Variants in CDK5RAP2 observed in about 807,000 individuals in gnomAD.
CDK5RAP2 encodes the protein CDK5 regulatory subunit-associated protein 2.
In CDK5RAP2, 147 loss-of-function variants were observed where a neutral mutation model predicts 232.9. That is an observed-to-expected ratio of 0.63 (90% CI 0.55 to 0.72). The LOEUF is 0.72. Among genes scored for constraint, CDK5RAP2 ranks in the 30% least tolerant of loss-of-function variants. The pLI is 0.00. For synonymous variants in CDK5RAP2, 833 were observed against 833.7 expected (o/e 1.00, Z 0.01); for missense variants, 2,195 against 2,231.5 (o/e 0.98, Z 0.33).
At chr9:120,514,909 A>G (rs2040258961) in intron 12 of CDK5RAP2, among the ~76,000 whole-genome samples, 1 of 152,230 alleles carries the variant, frequency 6.6e-6, no homozygotes, top group South Asian at 2.1e-4. Context: ...TAAGTAAATT[A>G]TGAAACCAAC....
intron 20 of CDK5RAP2, among the ~76,000 whole-genome samples, chr9:120,457,060 A>G (rs186596008): frequency 2.0e-5 from 3 of 152,208 alleles, no homozygotes; most frequent in African/African-American, 7.2e-5. Context: ...ACATTTCCTA[A>G]GCACTTACCA....
At chr9:120,412,283 T>C (rs2033897783) in intron 28 of CDK5RAP2, among the ~76,000 whole-genome samples, 1 of 152,154 alleles carries the variant, frequency 6.6e-6, no homozygotes, top group Non-Finnish European at 1.5e-5. Flanking sequence ...GTGTGCAAGG[T>C]GCCTTCTCTA....
chr9:120,400,911 A>C (rs761289200), intron 34 of CDK5RAP2, 26 bp from the exon 35 acceptor site: 1 of 1,613,952 alleles, frequency 6.2e-7, no homozygotes, highest in Non-Finnish European at 8.5e-7. Context: ...GAAGGCTGTT[A>C]CGTGCAGTCT....
intron 3 of CDK5RAP2, among the ~76,000 whole-genome samples, chr9:120,554,082 C>G (rs539569803): frequency 3.2e-4 from 48 of 152,130 alleles, no homozygotes; most frequent in Non-Finnish European, 5.3e-4. Flanking sequence ...ACATTGTGCA[C>G]TCATAGGAAA....
intron 3 of CDK5RAP2, among the ~76,000 whole-genome samples, chr9:120,559,333 A>T (rs1381179395): frequency 1.3e-5 from 2 of 151,828 alleles, no homozygotes; most frequent in African/African-American, 4.8e-5. Flanking sequence ...TAAAAATACA[A>T]AAAATCAGCC....
Position 120,389,130 on chromosome 9 carries a change from G to T in CDK5RAP2, c.*106C>A. ...TGAAGGGAAAAAATAGATTTCCTTT[G>T]GCCAGACAGCTCTTTCTTCCTCAAT... On this transcript the variant is annotated 3_prime_UTR_variant, in exon 38 of 38. Transcript: ENST00000349780. The T allele has an allele frequency of 3.1e-6, 3 of 957,596 alleles. No homozygotes were observed. Among genetic ancestry groups the T allele is most frequent in the South Asian group, 1.4e-5 (1 of 69,020 alleles). The allele number at this position is 957,596 out of a possible 1,614,324, so 59.3% of individuals were successfully genotyped here. A position where few individuals can be genotyped will look rare whatever the true frequency, so the allele number is the denominator to read the frequency against.
At position 120,527,973 on chromosome 9, in the gene CDK5RAP2, A is replaced by C. The variant is rs767718156; in HGVS notation, c.880-48T>G. 28 of 1,608,642 alleles carry C rather than the reference A, an allele frequency of 1.7e-5. No homozygotes were observed. In the East Asian group the frequency reaches 4.7e-4, roughly 27 times the overall value. On this transcript the variant is annotated intron_variant, in intron 9 of 37. Coordinates refer to ENST00000349780, the MANE Select transcript of CDK5RAP2 (RefSeq NM_018249.6). ...TCACTAAGTTGATGCGTTCCAACCAAAATGCACCATAAATATATCTTTAAG... is the reference window on the plus strand; with the variant it reads ...TCACTAAGTTGATGCGTTCCAACCACAATGCACCATAAATATATCTTTAAG...
chr9:120,389,045 T>C lies in CDK5RAP2; in HGVS notation c.*191A>G, dbSNP rs1289501592. On this transcript the variant is annotated 3_prime_UTR_variant, in exon 38 of 38. Transcript: ENST00000349780. ...AGCTCGAGGCCTTTTTACCACCCGT[T>C]TGTGGAGCACCTGCACCTTTCTGAC... is the stretch of plus-strand genomic sequence containing the variant. The C allele has an allele frequency of 4.9e-6, 3 of 615,594 alleles. No homozygotes were observed. The highest frequency in any genetic ancestry group is 8.6e-6 in the Non-Finnish European group (3 of 348,082). 38.1% of individuals were successfully genotyped at this position (615,594 alleles called of 1,614,324 possible). A position where few individuals can be genotyped will look rare whatever the true frequency, so the allele number is the denominator to read the frequency against.
At chr9:120,427,835 A>C (rs1481674446) in intron 25 of CDK5RAP2, among the ~76,000 whole-genome samples, 4 of 152,230 alleles carry the variant, frequency 2.6e-5, no homozygotes, top group African/African-American at 9.6e-5. Context: ...ACCTATTCCA[A>C]AATTGACCAC....
chr9:120,506,699 G>A (rs999294322), intron 12 of CDK5RAP2, among the ~76,000 whole-genome samples: 1 of 152,176 alleles, frequency 6.6e-6, no homozygotes, highest in Admixed American at 6.5e-5. Flanking sequence ...TAATGTGGTG[G>A]AAATAGCAAG....
intron 1 of CDK5RAP2, among the ~76,000 whole-genome samples, chr9:120,575,929 T>C (rs1229170366): frequency 6.6e-6 from 1 of 152,172 alleles, no homozygotes; most frequent in Non-Finnish European, 1.5e-5. Context: ...TGCCTCAAAG[T>C]TTTCAACTCC....
At chr9:120,393,894 G>A (rs2032223712) in intron 36 of CDK5RAP2, among the ~76,000 whole-genome samples, 1 of 152,096 alleles carries the variant, frequency 6.6e-6, no homozygotes, top group Non-Finnish European at 1.5e-5. Flanking sequence ...CCCCTCACTG[G>A]TGGAGCAGCC....
chr9:120,450,398 G>A (rs902118074), intron 21 of CDK5RAP2, among the ~76,000 whole-genome samples: 24 of 152,114 alleles, frequency 1.6e-4, no homozygotes, highest in African/African-American at 5.8e-4. Flanking sequence ...ATGAGTACAA[G>A]GTTTCTTTTG....
Position 120,518,211 on chromosome 9 carries a change from G to GTGTGTGAA in CDK5RAP2, c.1311+215_1311+216insTTCACACA, listed in dbSNP as rs1554770754. The stretch of plus-strand genomic sequence containing the variant: ...TGTGTGTGTGTGTGTGTGTGTGTGT[G>GTGTGTGAA]AGAGAGAGAGAGAGAGAGAGAGAGA... On this transcript the variant is annotated intron_variant, in intron 12 of 37. Coordinates refer to ENST00000349780, the MANE Select transcript of CDK5RAP2 (RefSeq NM_018249.6). Among the ~76,000 whole-genome samples the GTGTGTGAA allele has an allele frequency of 9.5e-5, 3 of 31,678 alleles. No homozygotes were observed. The South Asian group carries it at 4.4e-3, about 46-fold the overall frequency. 20.8% of individuals were successfully genotyped at this position (31,678 alleles called of 152,430 possible).
In CDK5RAP2 at chr9:120,404,131, C is replaced by T. The variant is rs763815264; in HGVS notation, c.4964-18G>A. 1.2e-5 allele frequency: 18 copies of T among 1,526,712 alleles called. No homozygotes were observed. Among genetic ancestry groups the T allele is most frequent in the South Asian group, 2.2e-5 (2 of 89,258 alleles). The allele number at this position is 1,526,712 out of a possible 1,614,324, so 94.6% of individuals were successfully genotyped here. ...GTCACCATCTACAAAATGCAAAACA[C>T]GAGAACTGTTAGTTTCACTGTTGTC... On this transcript the variant is annotated intron_variant, in intron 32 of 37. Coordinates refer to ENST00000349780, the MANE Select transcript of CDK5RAP2 (RefSeq NM_018249.6).
intron 13 of CDK5RAP2, among the ~76,000 whole-genome samples, chr9:120,487,716 C>A (rs2038687807): frequency 6.6e-6 from 1 of 152,202 alleles, no homozygotes; most frequent in Non-Finnish European, 1.5e-5. Context: ...ACTGTGACTA[C>A]CTTCCAGTGG....
At chr9:120,422,766 AAGG>A in intron 25 of CDK5RAP2, 25 bp from the exon 26 acceptor site, 1 of 1,595,340 alleles carries the variant, frequency 6.3e-7, no homozygotes, top group Non-Finnish European at 8.6e-7. Flanking sequence ...AACATCAAGA[AAGG>A]AGGAGAAAAA....
In CDK5RAP2 at chr9:120,403,605, T is replaced by C. The variant is rs114265161; in HGVS notation, c.5041+431A>G. 2.6e-4 allele frequency: 76 copies of C among 293,632 alleles called. No homozygotes were observed. Among genetic ancestry groups the C allele is most frequent in the African/African-American group, 1.4e-3 (63 of 46,298 alleles). The allele number at this position is 293,632 out of a possible 1,614,324, so 18.2% of individuals were successfully genotyped here. Reference sequence around the variant, plus strand: ...GTCACAGAGAAATGTGTATTCATGATGAGTCTTGAGGAAACGGGACTTCTA... The same window carrying C: ...GTCACAGAGAAATGTGTATTCATGACGAGTCTTGAGGAAACGGGACTTCTA... On this transcript the variant is annotated intron_variant, in intron 33 of 37. Transcript: ENST00000349780. This position sits in a 1 kb window ranked among gnomAD's most constrained non-coding sequence, Gnocchi z 4.2.
chr9:120,423,499 A>G (rs1035281067), intron 25 of CDK5RAP2, among the ~76,000 whole-genome samples: 5 of 152,254 alleles, frequency 3.3e-5, no homozygotes, highest in African/African-American at 1.2e-4. Context: ...AAAAAATGAC[A>G]AAAGAAAACA....
Sources: gnomAD v4.1 joint callset for allele counts (sites outside exome capture counted in the v4.1 genomes callset) on GRCh38, gnomAD v4.1.1 for gene constraint, Gnocchi (gnomAD v3.1) non-coding constraint, MANE v1.5 for transcripts, NCBI Gene and HGNC (gene_info 2026-07-23, HGNC 2026-07-21) for gene names.